Variants in CPQ observed in about 807,000 individuals in gnomAD.
The protein encoded by CPQ is carboxypeptidase Q, also known as Ser-Met dipeptidase.
Under a neutral mutation model 45.7 loss-of-function variants are expected in CPQ, and 37 were observed. That is an observed-to-expected ratio of 0.81 (90% CI 0.62 to 1.07). The LOEUF is 1.07. Ranked by LOEUF, CPQ falls within the 50% of genes least tolerant of loss-of-function variation. The probability of loss-of-function intolerance (pLI) is 0.00; values close to 1 mark genes in which losing one functional copy is unlikely to be tolerated. For missense variants in CPQ, 537 were observed against 572.9 expected (o/e 0.94, Z 0.64); for synonymous variants, 186 against 205.8 (o/e 0.90, Z 0.82).
At chr8:97,131,461 A>G (rs1414283131) in intron 7 of CPQ, among the ~76,000 whole-genome samples, 1 of 152,136 alleles carries the variant, frequency 6.6e-6, no homozygotes, top group Non-Finnish European at 1.5e-5. Flanking sequence ...TTTAGATAGG[A>G]TTTTTTAGTA....
chr8:96,762,176 A>G (rs991843938), intron 1 of CPQ, among the ~76,000 whole-genome samples: 3 of 152,178 alleles, frequency 2.0e-5, no homozygotes. Context: ...AGAATAGACA[A>G]TTATTTTGAA....
intron 7 of CPQ, among the ~76,000 whole-genome samples, chr8:97,120,358 T>G (rs2130605860): frequency 6.6e-6 from 1 of 151,738 alleles, no homozygotes; most frequent in Middle Eastern, 3.4e-3. Context: ...TTTTACAAGC[T>G]TATTCACTGC....
chr8:96,992,403 C>A (rs1809109263), intron 5 of CPQ, among the ~76,000 whole-genome samples: 1 of 152,062 alleles, frequency 6.6e-6, no homozygotes, highest in Non-Finnish European at 1.5e-5. Context: ...AATCTAGCTA[C>A]ATGGGACAAT....
intron 5 of CPQ, among the ~76,000 whole-genome samples, chr8:96,968,181 C>G (rs1813603461): frequency 6.6e-6 from 1 of 152,180 alleles, no homozygotes. Context: ...CCCTTTACTA[C>G]TTAAGTCACC....
intron 5 of CPQ, among the ~76,000 whole-genome samples, chr8:97,004,435 A>C (rs554248571): frequency 6.0e-4 from 92 of 152,208 alleles, no homozygotes; most frequent in African/African-American, 2.2e-3. Context: ...ATGAAAAATG[A>C]GTTTTCATAC....
At chr8:96,776,767 A>T (rs1810610282) in intron 1 of CPQ, among the ~76,000 whole-genome samples, 3 of 152,218 alleles carry the variant, frequency 2.0e-5, no homozygotes, top group Non-Finnish European at 4.4e-5. Context: ...GATAATCTGT[A>T]ACTATGGATT....
At chr8:97,118,552 T>C (rs532708454) in intron 7 of CPQ, among the ~76,000 whole-genome samples, 1 of 152,284 alleles carries the variant, frequency 6.6e-6, no homozygotes, top group Admixed American at 6.5e-5. Context: ...AAATGGAAAG[T>C]CATTAAAAAC....
At chr8:97,101,572 C>CTTTTTTTTTT (rs5893410) in intron 7 of CPQ, among the ~76,000 whole-genome samples, 4 of 114,212 alleles carry the variant, frequency 3.5e-5, no homozygotes, top group Non-Finnish European at 3.5e-5. Flanking sequence ...TTTCTTTTTT[C>CTTTTTTTTTT]TTTTTTTTTT....
At chr8:96,820,931 G>T (rs1414607786) in intron 2 of CPQ, among the ~76,000 whole-genome samples, 1 of 151,946 alleles carries the variant, frequency 6.6e-6, no homozygotes, top group Non-Finnish European at 1.5e-5. Context: ...CACCAACAGT[G>T]TATGAAGGTT....
chr8:97,131,496 T>C lies in CPQ; in HGVS notation c.1256-11524T>C, dbSNP rs957040548. 5.3e-5 allele frequency among the ~76,000 whole-genome samples: 8 copies of C among 152,340 alleles called. No homozygotes were observed. The East Asian group carries it at 1.3e-3, about 26-fold the overall frequency. On this transcript the variant is annotated intron_variant, in intron 7 of 7. Coordinates refer to ENST00000220763, the MANE Select transcript of CPQ (RefSeq NM_016134.4). ...AGTAAGACTTTTTTATATGTCTACC[T>C]ATTATTATCCATGGTAGAGTTTCTT...
intron 4 of CPQ, among the ~76,000 whole-genome samples, chr8:96,943,809 C>A (rs1426997404): frequency 6.6e-6 from 1 of 152,090 alleles, no homozygotes; most frequent in African/African-American, 2.4e-5. Context: ...GCTTCTAATG[C>A]ATATTGGGGT....
At chr8:96,903,185 C>A (rs1812534747) in intron 4 of CPQ, among the ~76,000 whole-genome samples, 1 of 152,210 alleles carries the variant, frequency 6.6e-6, no homozygotes, top group African/African-American at 2.4e-5. Context: ...GGCATCTTTT[C>A]TTGCCTCACT....
intron 2 of CPQ, among the ~76,000 whole-genome samples, chr8:96,826,216 G>T (rs763074858): frequency 1.3e-5 from 2 of 151,996 alleles, no homozygotes; most frequent in Non-Finnish European, 2.9e-5. Flanking sequence ...GTTTCCTGCC[G>T]TTTGGTGTTG....
chr8:96,870,743 T>C (rs1812056835), intron 3 of CPQ, among the ~76,000 whole-genome samples: 1 of 152,042 alleles, frequency 6.6e-6, no homozygotes, highest in Admixed American at 6.6e-5. Context: ...AAGTGCTAGC[T>C]TGGAGTGTTC....
At chr8:96,875,883 T>C (rs1352829987) in intron 3 of CPQ, among the ~76,000 whole-genome samples, 1 of 152,022 alleles carries the variant, frequency 6.6e-6, no homozygotes, top group African/African-American at 2.4e-5. Context: ...ATAAATCAAC[T>C]TGAGGGGCAT....
At chr8:96,669,619 GAAAT>G (rs1285904237) in intron 1 of CPQ, among the ~76,000 whole-genome samples, 1 of 152,028 alleles carries the variant, frequency 6.6e-6, no homozygotes, top group Non-Finnish European at 1.5e-5. Context: ...TAGAAAATAA[GAAAT>G]AAAATTGTGG....
At chr8:96,878,786 G>T (rs533600166) in intron 3 of CPQ, among the ~76,000 whole-genome samples, 38 of 152,336 alleles carry the variant, frequency 2.5e-4, no homozygotes, top group East Asian at 7.7e-4. Flanking sequence ...TGGGTGAAAG[G>T]AGGAGGAGGG....
intron 1 of CPQ, among the ~76,000 whole-genome samples, chr8:96,772,150 G>C (rs982779731): frequency 4.6e-5 from 7 of 152,272 alleles, no homozygotes; most frequent in African/African-American, 1.7e-4. Context: ...AGAAGAGGAG[G>C]CTGGAGGCAG....
rs1442913106 is a variant in CPQ at position 97,008,366 on chromosome 8, G to C, written c.962-21037G>C. Among the ~76,000 whole-genome samples, 24 of 152,208 alleles carry C rather than the reference G, an allele frequency of 1.6e-4. No individual in the cohort carries two copies. In the East Asian group the frequency reaches 4.2e-3, roughly 27 times the overall value. ...TATGCCTGGACATTTTAGGATGTCT[G>C]TTTATACAAATGTGAACAAATGTAC... On this transcript the variant is annotated intron_variant, in intron 5 of 7. Transcript: ENST00000220763.
Sources: gnomAD v4.1 joint callset for allele counts (sites outside exome capture counted in the v4.1 genomes callset) on GRCh38, gnomAD v4.1.1 for gene constraint, MANE v1.5 for transcripts, NCBI Gene and HGNC (gene_info 2026-07-23, HGNC 2026-07-21) for gene names.